CELF2: variants seen among roughly 807,000 people sequenced by gnomAD.
CELF2 encodes CUG triplet repeat RNA-binding protein 2.
In CELF2, 8 loss-of-function variants were observed where a neutral mutation model predicts 62.6. The ratio of observed to expected loss-of-function variants is 0.13; its 90% CI spans 0.07 to 0.23. The LOEUF is 0.23. Ranked by LOEUF, CELF2 falls within the 10% of genes least tolerant of loss-of-function variation. CELF2 has a pLI of 1.00. For missense variants in CELF2, 333 were observed against 671.0 expected (o/e 0.50, Z 5.56); for synonymous variants, 258 against 250.0 (o/e 1.03, Z -0.30).
upstream of CELF2, among the ~76,000 whole-genome samples, chr10:11,002,237 G>GA (rs142585465): frequency 1.4e-3 from 212 of 152,266 alleles, 3 homozygotes; most frequent in East Asian, 0.019. This position sits in a 1 kb window ranked among gnomAD's most constrained non-coding sequence, Gnocchi z 4.4. Flanking sequence ...GATCTCATAA[G>GA]ACTTATTCAC....
the CELF2 span, among the ~76,000 whole-genome samples, chr10:10,463,378 T>C: frequency 6.6e-6 from 1 of 152,210 alleles, no homozygotes; most frequent in Non-Finnish European, 1.5e-5. Flanking sequence ...ATTTTCTTAC[T>C]ACCTTTAGCA....
chr10:10,883,402 T>C (rs1384065896), intron 1 of CELF2, among the ~76,000 whole-genome samples: 1 of 152,146 alleles, frequency 6.6e-6, no homozygotes, highest in African/African-American at 2.4e-5. Context: ...ATAAGGAAAA[T>C]AATGTTTTAT....
the CELF2 span, among the ~76,000 whole-genome samples, chr10:10,598,751 CTTTTT>C: frequency 5.6e-4 from 39 of 69,576 alleles, no homozygotes; most frequent in Non-Finnish European, 9.4e-4. Flanking sequence ...CTTTTTCTTT[CTTTTT>C]TTTTTTTTTT....
At chr10:10,960,640 C>G (rs1592438818) in intron 2 of CELF2, among the ~76,000 whole-genome samples, 1 of 152,152 alleles carries the variant, frequency 6.6e-6, no homozygotes, top group Admixed American at 6.5e-5. Context: ...AATGCATACC[C>G]AGTATTTTTA....
intron 1 of CELF2, among the ~76,000 whole-genome samples, chr10:11,090,679 A>G (rs1595020230): frequency 6.6e-6 from 1 of 152,254 alleles, no homozygotes; most frequent in Admixed American, 6.5e-5. Flanking sequence ...ACATAATAGA[A>G]TACTTCATAG....
At chr10:10,667,571 A>G in the CELF2 span, among the ~76,000 whole-genome samples, 3 of 152,244 alleles carry the variant, frequency 2.0e-5, no homozygotes, top group African/African-American at 2.4e-5. Flanking sequence ...TGGGTCTCCC[A>G]AATTTCAAAG....
chr10:11,078,901 C>T (rs571397043), intron 1 of CELF2, among the ~76,000 whole-genome samples: 14 of 152,262 alleles, frequency 9.2e-5, no homozygotes, highest in Non-Finnish European at 1.8e-4. Context: ...TTCAGCATAA[C>T]GTGATGTGAT....
At chr10:10,575,583 C>G in the CELF2 span, among the ~76,000 whole-genome samples, 6 of 152,164 alleles carry the variant, frequency 3.9e-5, no homozygotes, top group Non-Finnish European at 7.4e-5. Flanking sequence ...GACTCTCTCA[C>G]CATGTGGTTT....
chr10:10,768,788 G>A, the CELF2 span, among the ~76,000 whole-genome samples: 1 of 151,902 alleles, frequency 6.6e-6, no homozygotes, highest in East Asian at 1.9e-4. Context: ...TGGTAAGGCT[G>A]GTGTCAAACT....
intron 2 of CELF2, among the ~76,000 whole-genome samples, chr10:11,193,013 A>G (rs79424301): frequency 0.016 from 2,409 of 152,280 alleles, 71 homozygotes; most frequent in African/African-American, 0.055. Flanking sequence ...CACATTTTTC[A>G]TGTAAAGATC....
intron 1 of CELF2, among the ~76,000 whole-genome samples, chr10:11,037,204 A>G (rs544847696): frequency 2.0e-5 from 3 of 152,334 alleles, no homozygotes; most frequent in African/African-American, 7.2e-5. Flanking sequence ...GACATCTTAT[A>G]TGGCGCAAGC....
chr10:11,023,711 C>T (rs936111918), intron 1 of CELF2, among the ~76,000 whole-genome samples: 1 of 152,228 alleles, frequency 6.6e-6, no homozygotes, highest in African/African-American at 2.4e-5. Flanking sequence ...ATTACTCCAA[C>T]TGTTTTTATA....
the CELF2 span, among the ~76,000 whole-genome samples, chr10:10,760,585 T>C: frequency 6.6e-6 from 1 of 152,108 alleles, no homozygotes; most frequent in Non-Finnish European, 1.5e-5. Flanking sequence ...GGGATGTGTA[T>C]GATGAAAGCT....
At chr10:11,109,844 C>CTT (rs2054650962) in intron 1 of CELF2, among the ~76,000 whole-genome samples, 1 of 152,190 alleles carries the variant, frequency 6.6e-6, no homozygotes, top group African/African-American at 2.4e-5. Context: ...CGCCCCCTGA[C>CTT]TTTGTAGCAA....
At chr10:10,634,897 C>T in the CELF2 span, among the ~76,000 whole-genome samples, 2 of 152,052 alleles carry the variant, frequency 1.3e-5, no homozygotes, top group African/African-American at 4.8e-5. Flanking sequence ...TCATTTCTTA[C>T]CAGCCAAAGT....
chr10:11,243,197 C>T lies in CELF2; in HGVS notation c.355-5956C>T, dbSNP rs983499718. ...GCTTCAGCAGATGCCTTCTTGGGAC[C>T]GCGCTTGACTCTAGTTCCTTCTCCC... is the stretch of plus-strand genomic sequence containing the variant. On this transcript the variant is annotated intron_variant, in intron 3 of 12. Transcript: ENST00000633077. This position sits in a 1 kb window ranked among gnomAD's most constrained non-coding sequence, Gnocchi z 4.1. 2.0e-5 allele frequency among the ~76,000 whole-genome samples: 3 copies of T among 151,944 alleles called. No homozygotes were observed. Among genetic ancestry groups the T allele is most frequent in the Non-Finnish European group, 2.9e-5 (2 of 67,994 alleles).
the CELF2 span, among the ~76,000 whole-genome samples, chr10:10,700,784 C>T: frequency 1.3e-5 from 2 of 152,144 alleles, no homozygotes; most frequent in Non-Finnish European, 1.5e-5. Context: ...ACTTCTTCAC[C>T]TCTCTCTCTT....
At chr10:10,859,231 T>C (rs2133070541) in intron 1 of CELF2, among the ~76,000 whole-genome samples, 1 of 152,240 alleles carries the variant, frequency 6.6e-6, no homozygotes, top group African/African-American at 2.4e-5. Flanking sequence ...CCCTCAAAAT[T>C]TAATAATCAG....
intron 1 of CELF2, among the ~76,000 whole-genome samples, chr10:11,147,038 G>T (rs1241471554): frequency 6.6e-6 from 1 of 152,226 alleles, no homozygotes. Context: ...AATGAGATCA[G>T]TGCCTGAACT....
Sources: allele counts gnomAD v4.1 joint callset (sites outside exome capture counted in the v4.1 genomes callset), GRCh38; gene constraint gnomAD v4.1.1; non-coding constraint Gnocchi (gnomAD v3.1); transcripts MANE v1.5; gene names NCBI Gene and HGNC (gene_info 2026-07-23, HGNC 2026-07-21).